PLXDC2: variants seen among roughly 807,000 people sequenced by gnomAD.
The protein encoded by PLXDC2 is plexin domain containing 2.
PLXDC2 carries 40 observed loss-of-function variants against 68.9 expected under a neutral mutation model. The observed-to-expected ratio is 0.58, with a 90% CI of 0.45 to 0.76. The LOEUF (loss-of-function observed/expected upper bound fraction) is 0.76, where lower values mean the gene tolerates loss of function less well. PLXDC2 is among the 30% of genes least tolerant of loss of function. The pLI is 0.00. For missense variants in PLXDC2, 644 were observed against 661.9 expected, an observed-to-expected ratio of 0.97 and a Z score of 0.30; for synonymous variants, 243 against 234.2, an observed-to-expected ratio of 1.04 and a Z score of -0.34.
chr10:20,062,835 T>C (rs969848768), intron 3 of PLXDC2, among the ~76,000 whole-genome samples: 14 of 152,124 alleles, frequency 9.2e-5, no homozygotes, highest in Non-Finnish European at 1.9e-4. Flanking sequence ...GTATTAGAGA[T>C]GTAAATCTTA....
intron 7 of PLXDC2, 103 bp from the exon 8 acceptor site, chr10:20,176,896 C>A: frequency 2.7e-6 from 2 of 747,434 alleles, no homozygotes; most frequent in South Asian, 2.0e-5. Context: ...ATTTTAAAAC[C>A]ACATTGGGCT....
chr10:19,883,757 G>A (rs1486924570), intron 1 of PLXDC2, among the ~76,000 whole-genome samples: 1 of 151,734 alleles, frequency 6.6e-6, no homozygotes, highest in East Asian at 1.9e-4. Context: ...TAAGCATTTT[G>A]TATTAAATTC....
At chr10:19,970,674 A>T (rs1834335199) in intron 1 of PLXDC2, among the ~76,000 whole-genome samples, 1 of 152,172 alleles carries the variant, frequency 6.6e-6, no homozygotes, top group Non-Finnish European at 1.5e-5. Context: ...CATATTTTAG[A>T]TGCTTTTGAC....
At chr10:20,006,622 T>G (rs1589581963) in intron 2 of PLXDC2, among the ~76,000 whole-genome samples, 1 of 152,244 alleles carries the variant, frequency 6.6e-6, no homozygotes, top group East Asian at 1.9e-4. Flanking sequence ...CACAAGACAA[T>G]AGCATGTTTA....
intron 10 of PLXDC2, among the ~76,000 whole-genome samples, chr10:20,216,671 C>T (rs1430543261): frequency 2.6e-5 from 4 of 152,174 alleles, no homozygotes; most frequent in African/African-American, 9.7e-5. Context: ...AGGGAGTCCA[C>T]TGCGGCACAA....
chr10:20,100,216 G>A (rs1833404524), intron 4 of PLXDC2, among the ~76,000 whole-genome samples: 1 of 152,200 alleles, frequency 6.6e-6, no homozygotes, highest in African/African-American at 2.4e-5. Flanking sequence ...GGGGAAAAGT[G>A]AGGAATGATT....
intron 1 of PLXDC2, among the ~76,000 whole-genome samples, chr10:19,883,633 G>A (rs1837779590): frequency 6.6e-6 from 1 of 151,894 alleles, no homozygotes; most frequent in South Asian, 2.1e-4. Flanking sequence ...TTTGAATAGT[G>A]TCTCCTAGGA....
At position 19,869,465 on chromosome 10, in the gene PLXDC2, GA is replaced by G. The variant is rs1227034209; in HGVS notation, c.112+52277del. ...AGAGAAAGAGAGAAAGAGAGAGAGA[GA>G]AAGGGGGGGGGGGGAGAGGGTGGGA... On this transcript the variant is annotated intron_variant, in intron 1 of 13. Coordinates refer to ENST00000377252, the MANE Select transcript of PLXDC2 (RefSeq NM_032812.9). Among the ~76,000 whole-genome samples the G allele has an allele frequency of 9.8e-3, 455 of 46,498 alleles. 2 individuals carry two copies. Among genetic ancestry groups the G allele is most frequent in the Non-Finnish European group, 0.014 (369 of 26,106 alleles). The allele number at this position is 46,498 out of a possible 152,430, so 30.5% of individuals were successfully genotyped here.
intron 9 of PLXDC2, among the ~76,000 whole-genome samples, chr10:20,195,365 G>C (rs1834823765): frequency 1.3e-5 from 2 of 152,074 alleles, no homozygotes; most frequent in Admixed American, 1.3e-4. Context: ...TCTTTCTGCA[G>C]ATCATTTCCA....
rs1017431399 is a variant in PLXDC2, at chr10:20,220,864, C to T, written c.1312+1762C>T. Among the ~76,000 whole-genome samples the T allele has an allele frequency of 2.4e-5, 3 of 125,632 alleles. No homozygotes were observed. The South Asian group carries it at 7.4e-4, about 31-fold the overall frequency. The allele number at this position is 125,632 out of a possible 152,430, so 82.4% of individuals were successfully genotyped here. A position where few individuals can be genotyped will look rare whatever the true frequency, so the allele number is the denominator to read the frequency against. On this transcript the variant is annotated intron_variant, in intron 12 of 13. Transcript: ENST00000377252. ...TTTTTTTTTTTTTTTTTTTTGAGAC[C>T]GAGTTTCACTTGTTGTTGCCCAGGC...
chr10:20,104,901 A>T (rs558604174), intron 4 of PLXDC2, among the ~76,000 whole-genome samples: 18 of 151,992 alleles, frequency 1.2e-4, no homozygotes, highest in African/African-American at 4.1e-4. Flanking sequence ...AAATACAAAA[A>T]TTAGCTGGGG....
At chr10:20,220,308 A>G (rs142798370) in intron 12 of PLXDC2, among the ~76,000 whole-genome samples, 6 of 152,164 alleles carry the variant, frequency 3.9e-5, no homozygotes, top group African/African-American at 1.2e-4. Context: ...TTAGTAGCAT[A>G]TGGACATAAG....
In PLXDC2 at chr10:19,983,642, C is replaced by T. The variant is rs1252704971; in HGVS notation, c.113-18133C>T. 2.0e-5 allele frequency among the ~76,000 whole-genome samples: 3 copies of T among 152,154 alleles called. 1 individual carries two copies. Among genetic ancestry groups the T allele is most frequent in the South Asian group, 4.1e-4 (2 of 4,832 alleles). On this transcript the variant is annotated intron_variant, in intron 1 of 13. Coordinates refer to ENST00000377252, the MANE Select transcript of PLXDC2 (RefSeq NM_032812.9). ...TATGTAGCTTTATTTCCTTCTGCCT[C>T]CCTCCTCTATCTGGGTTCTTCTTTT...
intron 2 of PLXDC2, among the ~76,000 whole-genome samples, chr10:20,027,987 G>A (rs1162145413): frequency 1.3e-5 from 2 of 152,142 alleles, no homozygotes; most frequent in Non-Finnish European, 2.9e-5. Flanking sequence ...TGTACATGAT[G>A]TGCAAAGTGG....
At chr10:19,940,097 T>G (rs1356504553) in intron 1 of PLXDC2, among the ~76,000 whole-genome samples, 1 of 151,724 alleles carries the variant, frequency 6.6e-6, no homozygotes, top group African/African-American at 2.4e-5. Context: ...CGAAAGAATC[T>G]CAAGACTAGA....
chr10:20,245,604 A>G, intron 13 of PLXDC2, 99 bp downstream of exon 13: 1 of 1,362,934 alleles, frequency 7.3e-7, no homozygotes, highest in Non-Finnish European at 1.0e-6. Flanking sequence ...TGGCTTCTCC[A>G]TTTTTCAGTT....
intron 1 of PLXDC2, among the ~76,000 whole-genome samples, chr10:19,902,518 A>T (rs1044808516): frequency 2.6e-5 from 4 of 152,034 alleles, no homozygotes; most frequent in Admixed American, 6.6e-5. Flanking sequence ...ACTGATTTGT[A>T]TACATTAATT....
At chr10:19,820,406 T>A (rs961728261) in intron 1 of PLXDC2, among the ~76,000 whole-genome samples, 2 of 137,828 alleles carry the variant, frequency 1.5e-5, no homozygotes, top group Non-Finnish European at 3.2e-5. Context: ...CCGAGGCGGG[T>A]GGATCATGAG....
chr10:19,894,265 A>G (rs896164423), intron 1 of PLXDC2, among the ~76,000 whole-genome samples: 1 of 151,784 alleles, frequency 6.6e-6, no homozygotes, highest in Non-Finnish European at 1.5e-5. Flanking sequence ...AAAACAAAAA[A>G]CTGATGTTTT....
Sources: allele counts gnomAD v4.1 joint callset (sites outside exome capture counted in the v4.1 genomes callset), GRCh38; gene constraint gnomAD v4.1.1; transcripts MANE v1.5; gene names NCBI Gene and HGNC (gene_info 2026-07-23, HGNC 2026-07-21).